The following FSIP2 variants were observed in gnomAD, a reference collection of about 807,000 sequenced individuals.
FSIP2 encodes fibrous sheath-interacting protein 2.
FSIP2 carries 367 observed loss-of-function variants against 510.5 expected under a neutral mutation model. That is an observed-to-expected ratio of 0.72 (90% CI 0.66 to 0.78). The LOEUF (loss-of-function observed/expected upper bound fraction) is 0.78. Ranked by LOEUF, FSIP2 falls within the 30% of genes least tolerant of loss-of-function variation. The probability of loss-of-function intolerance (pLI) is 0.00; values close to 1 mark genes in which losing one functional copy is unlikely to be tolerated. For synonymous variants in FSIP2, 2,601 were observed against 2,732.2 expected (o/e 0.95, Z 1.50); for missense variants, 7,594 against 7,901.7 (o/e 0.96, Z 1.48).
chr2:185,776,471 T>A (rs986184221), intron 13 of FSIP2, among the ~76,000 whole-genome samples: 1 of 152,112 alleles, frequency 6.6e-6, no homozygotes, highest in African/African-American at 2.4e-5. Flanking sequence ...TTTCTTCTAT[T>A]TCTAATTTTG....
rs1314789201 is a variant in FSIP2 at position 185,796,011 on chromosome 2, G to A, written c.8875G>A (p.Gly2959Ser). The A allele has an allele frequency of 2.0e-6, 3 of 1,533,656 alleles. No homozygotes were observed. Among genetic ancestry groups the A allele is most frequent in the Non-Finnish European group, 2.6e-6 (3 of 1,145,786 alleles). Residue 2959 changes from glycine (G) to serine (S), a missense_variant, in exon 16 of 23, where the codon GGT (glycine) becomes AGT (serine). Transcript: ENST00000424728. Reference protein sequence around the residue: ...KEHITAKSKYGFPNKHSLSSL... With the variant: ...KEHITAKSKYSFPNKHSLSSL... ...ACACATTACTGCTAAAAGTAAATAT[G>A]GTTTTCCAAACAAGCATAGCCTCAG...
Position 185,796,206 on chromosome 2 carries a change from A to G in FSIP2, c.9070A>G (p.Ile3024Val). Residue 3024 changes from isoleucine (I) to valine (V), a missense_variant, in exon 16 of 23, where the codon ATA (isoleucine) becomes GTA (valine). Transcript: ENST00000424728. ...GTTTTCTGAAATTGTGAAAATGCCT[A>G]TAGAAAACCTTTCTTCTATCCAACA... ...YEFSEIVKMP[I>V]ENLSSIQQKL... 2.0e-6 allele frequency: 3 copies of G among 1,530,854 alleles called. No homozygotes were observed. The highest frequency in any genetic ancestry group is 1.7e-6 in the Non-Finnish European group (2 of 1,145,056). 94.8% of individuals were successfully genotyped at this position (1,530,854 alleles called of 1,614,324 possible). A position where few individuals can be genotyped will look rare whatever the true frequency, so the allele number is the denominator to read the frequency against.
chr2:185,807,248 A>C lies in FSIP2; in HGVS notation c.17942A>C (p.Lys5981Thr). ...TCAGCATGTTTGCCTCTGGAATCTA[A>C]GGATGTTGTTAAAAAGGTCCAAAAG... is the stretch of plus-strand genomic sequence containing the variant. ...SVSACLPLES[K>T]DVVKKVQKLA... The change falls in exon 17 of 23, where the codon AAG becomes ACG. Residue 5981 changes from lysine (K) to threonine (T), a missense_variant. By Grantham distance (78) the Lys-to-Thr change is moderately conservative. Transcript: ENST00000424728. 6.2e-7 allele frequency: 1 copy of C among 1,612,088 alleles called. No homozygotes were observed. The highest frequency in any genetic ancestry group is 8.5e-7 in the Non-Finnish European group (1 of 1,179,038).
chr2:185,740,830 C>T (rs956965464), intron 2 of FSIP2, among the ~76,000 whole-genome samples: 1 of 152,066 alleles, frequency 6.6e-6, no homozygotes, highest in Non-Finnish European at 1.5e-5. Context: ...ACTTAATTAT[C>T]CCCCAAGGCC....
At chr2:185,820,987 A>T in intron 19 of FSIP2, among the ~76,000 whole-genome samples, 1 of 147,948 alleles carries the variant, frequency 6.8e-6, no homozygotes, top group East Asian at 2.0e-4. Flanking sequence ...GAGAAAATCA[A>T]GAAAACCAAG....
chr2:185,796,388 T>C lies in FSIP2; in HGVS notation c.9252T>C (p.Asn3084=). The C allele has an allele frequency of 1.3e-6, 2 of 1,534,036 alleles. No homozygotes were observed. Among genetic ancestry groups the C allele is most frequent in the Non-Finnish European group, 1.7e-6 (2 of 1,145,466 alleles). ...CACAATTACTTACATATGCTGTTAATATCATCAGTGACATGCTTGCTGTAA... is the reference window on the plus strand; with the variant it reads ...CACAATTACTTACATATGCTGTTAACATCATCAGTGACATGCTTGCTGTAA... The part of the protein sequence containing the change: ...FHSQLLTYAV[N]IISDMLAVIK... The change falls in exon 16 of 23, where the codon AAT becomes AAC. Residue 3084 remains asparagine (N), a synonymous_variant. Transcript: ENST00000424728.
In FSIP2 at chr2:185,795,722, T is replaced by C; in HGVS notation, c.8586T>C (p.Ala2862=). Residue 2862 remains alanine, a synonymous_variant, in exon 16 of 23, where the codon GCT becomes GCC. Transcript: ENST00000424728. ...AAAAATGTAAGCTATTGATGATAGCTGAAAATGTTTTGACTGAAATTTCAA... is the reference window on the plus strand; with the variant it reads ...AAAAATGTAAGCTATTGATGATAGCCGAAAATGTTTTGACTGAAATTTCAA... ...ENEKCKLLMI[A]ENVLTEISIK... 2 of 1,532,612 alleles carry C rather than the reference T, an allele frequency of 1.3e-6. No individual in the cohort carries two copies. The highest frequency in any genetic ancestry group is 2.4e-5 in the South Asian group (2 of 83,394). The allele number at this position is 1,532,612 out of a possible 1,614,324, so 94.9% of individuals were successfully genotyped here. A position where few individuals can be genotyped will look rare whatever the true frequency, so the allele number is the denominator to read the frequency against.
intron 5 of FSIP2, among the ~76,000 whole-genome samples, chr2:185,746,448 C>G (rs969270358): frequency 6.6e-6 from 1 of 151,998 alleles, no homozygotes; most frequent in African/African-American, 2.4e-5. Context: ...ATATCAGATA[C>G]TTGTGTAGTG....
chr2:185,794,210 C>T lies in FSIP2; in HGVS notation c.7074C>T (p.Ala2358=). 6.5e-7 allele frequency: 1 copy of T among 1,534,548 alleles called. No individual in the cohort carries two copies. The highest frequency in any genetic ancestry group is 8.7e-7 in the Non-Finnish European group (1 of 1,145,858). ...LKTYADVIAS[A]ILKLIKNDLD... ...CATATGCTGACGTCATTGCCAGTGC[C>T]ATTTTGAAGCTTATTAAAAATGACT... The change falls in exon 16 of 23, where the codon GCC becomes GCT. Residue 2358 remains alanine (A), a synonymous_variant. Coordinates refer to ENST00000424728, the MANE Select transcript of FSIP2 (RefSeq NM_173651.4).
rs1693061975 is a variant in FSIP2, at chr2:185,789,316, C to G, written c.2180C>G (p.Ser727Cys). 5 of 1,534,682 alleles carry G rather than the reference C, an allele frequency of 3.3e-6. No individual in the cohort carries two copies. The highest frequency in any genetic ancestry group is 4.4e-6 in the Non-Finnish European group (5 of 1,145,970). The part of the protein sequence containing the change: ...SDLTQAIPSL[S>C]SVTAEVFVEQ... Reference sequence around the variant, plus strand: ...TTAACCCAGGCCATTCCCTCTCTCTCTTCTGTTACTGCTGAAGTTTTTGTT... The same window carrying G: ...TTAACCCAGGCCATTCCCTCTCTCTGTTCTGTTACTGCTGAAGTTTTTGTT... Residue 727 changes from serine to cysteine, a missense_variant, in exon 16 of 23, where the codon TCT becomes TGT. Transcript: ENST00000424728.
rs1327127430 is a variant in FSIP2 at position 185,793,531 on chromosome 2, A to G, written c.6395A>G (p.Glu2132Gly). 1 of 1,534,348 alleles carries G rather than the reference A, an allele frequency of 6.5e-7. No homozygotes were observed. Among genetic ancestry groups the G allele is most frequent in the Non-Finnish European group, 8.7e-7 (1 of 1,145,648 alleles). Residue 2132 changes from glutamate to glycine, a missense_variant, in exon 16 of 23, where the codon GAA becomes GGA. Coordinates refer to ENST00000424728, the MANE Select transcript of FSIP2 (RefSeq NM_173651.4). ...GATAAACATTCAGAAGAAAATTCTG[A>G]AATGTTCATGGAGGGTGCAAATAAG... ...IADKHSEENS[E>G]MFMEGANKII...
intron 13 of FSIP2, among the ~76,000 whole-genome samples, chr2:185,777,679 T>G (rs1039254820): frequency 6.6e-6 from 1 of 152,114 alleles, no homozygotes; most frequent in African/African-American, 2.4e-5. Context: ...TTTGTTAAAA[T>G]GGCCACACAT....
At chr2:185,772,379 T>C (rs549840180) in intron 13 of FSIP2, among the ~76,000 whole-genome samples, 1 of 152,238 alleles carries the variant, frequency 6.6e-6, no homozygotes, top group South Asian at 2.1e-4. Context: ...TGAGGCTGGG[T>C]AGTTTATAAA....
chr2:185,791,023 C>G lies in FSIP2; in HGVS notation c.3887C>G (p.Ala1296Gly). The G allele has an allele frequency of 1.3e-6, 2 of 1,531,342 alleles. No individual in the cohort carries two copies. The highest frequency in any genetic ancestry group is 1.7e-6 in the Non-Finnish European group (2 of 1,144,038). 94.9% of individuals were successfully genotyped at this position (1,531,342 alleles called of 1,614,324 possible). The change falls in exon 16 of 23, where the codon GCT becomes GGT. Residue 1296 changes from alanine to glycine, a missense_variant. Coordinates refer to ENST00000424728, the MANE Select transcript of FSIP2 (RefSeq NM_173651.4). ...SLRSQLSKYTAKIVNIVLCAI... is the reference protein window; with the variant it reads ...SLRSQLSKYTGKIVNIVLCAI... Reference sequence around the variant, plus strand: ...CGATCTCAACTTAGTAAGTACACAGCTAAAATAGTAAACATTGTTTTATGT... The same window carrying G: ...CGATCTCAACTTAGTAAGTACACAGGTAAAATAGTAAACATTGTTTTATGT...
Position 185,793,417 on chromosome 2 carries a change from T to A in FSIP2, c.6281T>A (p.Ile2094Asn), listed in dbSNP as rs1321990942. The A allele has an allele frequency of 2.0e-6, 3 of 1,534,012 alleles. No homozygotes were observed. Among genetic ancestry groups the A allele is most frequent in the Non-Finnish European group, 2.6e-6 (3 of 1,145,572 alleles). Residue 2094 changes from isoleucine to asparagine, a missense_variant, in exon 16 of 23, where the codon ATT becomes AAT. Physicochemically the swap from Ile to Asn is moderately radical, Grantham distance 149 (BLOSUM62 -3). Transcript: ENST00000424728. The part of the protein sequence containing the change: ...KVLQLQIQDT[I>N]EGILCDIYEK... The stretch of plus-strand genomic sequence containing the variant: ...CTTCAACTTCAAATACAAGATACCA[T>A]TGAAGGTATCCTATGTGATATTTAT...
Position 185,808,318 on chromosome 2 carries a change from A to T in FSIP2, c.19012A>T (p.Arg6338Ter). 6.2e-7 allele frequency: 1 copy of T among 1,608,846 alleles called. No homozygotes were observed. Among genetic ancestry groups the T allele is most frequent in the South Asian group, 1.1e-5 (1 of 90,030 alleles). Residue 6338 changes from arginine (R) to a stop codon, truncating the protein, a stop_gained, in exon 17 of 23, where the codon AGA becomes TGA. Coordinates refer to ENST00000424728, the MANE Select transcript of FSIP2 (RefSeq NM_173651.4). LOFTEE classifies it high-confidence loss of function. ...ELKSKEKSSS[R>*]KGLTLDAKLL... ...TAAGTCTAAGGAAAAGTCTTCATCCAGAAAAGGTTTGACATTAGATGCCAA... is the reference window on the plus strand; with the variant it reads ...TAAGTCTAAGGAAAAGTCTTCATCCTGAAAAGGTTTGACATTAGATGCCAA...
chr2:185,761,855 T>G, intron 10 of FSIP2, 117 bp from the exon 11 acceptor site: 1 of 521,050 alleles, frequency 1.9e-6, no homozygotes, highest in Non-Finnish European at 3.4e-6. Flanking sequence ...TTTTTATGAG[T>G]TACTGGTTAA....
chr2:185,820,235 G>C (rs1283787624), intron 19 of FSIP2, among the ~76,000 whole-genome samples: 1 of 151,892 alleles, frequency 6.6e-6, no homozygotes, highest in Non-Finnish European at 1.5e-5. Flanking sequence ...TCTGTAAGGA[G>C]CTTTTCCCCC....
Position 185,805,110 on chromosome 2 carries a change from G to A in FSIP2, c.15804G>A (p.Gln5268=). ...ELAKSGKEKT[Q]PSLYSATFLE... ...CTAAATCTGGTAAAGAAAAGACACA[G>A]CCTTCTCTCTATTCAGCTACATTTT... Residue 5268 remains glutamine (Q), a synonymous_variant, in exon 17 of 23, where the codon CAG becomes CAA. Coordinates refer to ENST00000424728, the MANE Select transcript of FSIP2 (RefSeq NM_173651.4). 1.2e-6 allele frequency: 2 copies of A among 1,608,268 alleles called. No individual in the cohort carries two copies. Among genetic ancestry groups the A allele is most frequent in the South Asian group, 2.2e-5 (2 of 90,440 alleles).
Sources: allele counts gnomAD v4.1 joint callset (sites outside exome capture counted in the v4.1 genomes callset), GRCh38; gene constraint gnomAD v4.1.1; transcripts MANE v1.5; gene names NCBI Gene and HGNC (gene_info 2026-07-23, HGNC 2026-07-21).